LACTBL1: variants seen among roughly 807,000 people sequenced by gnomAD.
LACTBL1 encodes the protein beta-lactamase-like protein 1.
In LACTBL1, 29 loss-of-function variants were observed where a neutral mutation model predicts 39.6. The ratio of observed to expected loss-of-function variants is 0.73; its 90% CI spans 0.55 to 1.00. LACTBL1 has a LOEUF of 1.00. Among genes scored for constraint, LACTBL1 ranks in the 50% least tolerant of loss-of-function variants. LACTBL1 has a pLI of 0.00. For synonymous variants in LACTBL1, 361 were observed against 360.7 expected (o/e 1.00, Z -0.01); for missense variants, 711 against 748.5 (o/e 0.95, Z 0.59).
intron 2 of LACTBL1, among the ~76,000 whole-genome samples, chr1:22,961,998 G>T (rs930096083): frequency 6.7e-6 from 1 of 149,130 alleles, no homozygotes; most frequent in African/African-American, 2.5e-5. Context: ...CACCCATCTC[G>T]GCCTCCCAAA....
intron 2 of LACTBL1, among the ~76,000 whole-genome samples, chr1:22,960,617 CAAAAAA>C (rs35006759): frequency 2.6e-5 from 1 of 38,008 alleles, no homozygotes; most frequent in Non-Finnish European, 4.9e-5. Flanking sequence ...AACTCCGTCT[CAAAAAA>C]AAAAAAAAAA....
exon 4 of LACTBL1, chr1:22,958,837 G>A (rs760527231): frequency 6.4e-7 from 1 of 1,550,668 alleles, no homozygotes; most frequent in South Asian, 1.2e-5. Flanking sequence ...CCGCTCCAGA[G>A]GGTCATCTAG....
At chr1:22,958,543 C>T in intron 4 of LACTBL1, 142 bp downstream of exon 6, 1 of 659,906 alleles carries the variant, frequency 1.5e-6, no homozygotes, top group Non-Finnish European at 2.5e-6. Context: ...CCTGGCCCAC[C>T]ACCCACATCC....
At chr1:22,966,517 T>G (rs1410332651), upstream of LACTBL1, among the ~76,000 whole-genome samples, 3 of 152,204 alleles carry the variant, frequency 2.0e-5, no homozygotes, top group East Asian at 5.8e-4. Context: ...ACTACAGATC[T>G]TACAGAGAAA....
intron 4 of LACTBL1, among the ~76,000 whole-genome samples, chr1:22,957,211 TA>T (rs1363935200): frequency 6.6e-6 from 1 of 152,212 alleles, no homozygotes; most frequent in Non-Finnish European, 1.5e-5. Flanking sequence ...TTTAGGTCTA[TA>T]CAGTGTTTGA....
chr1:22,968,927 G>A (rs987510853), upstream of LACTBL1, among the ~76,000 whole-genome samples: 1 of 152,180 alleles, frequency 6.6e-6, no homozygotes, highest in Non-Finnish European at 1.5e-5. Flanking sequence ...CCAGGCTGGA[G>A]CGCAGTGATG....
At chr1:22,962,036 G>A (rs373267784) in intron 2 of LACTBL1, among the ~76,000 whole-genome samples, 8 of 152,074 alleles carry the variant, frequency 5.3e-5, no homozygotes, top group South Asian at 2.1e-4. Context: ...GTGAGCCACC[G>A]CGCCTGGCTC....
At chr1:22,954,009 C>G in exon 6 of LACTBL1, 1 of 1,537,914 alleles carries the variant, frequency 6.5e-7, no homozygotes, top group Non-Finnish European at 8.8e-7. Context: ...AGAAGGCCAG[C>G]GTGCTGTAAT....
chr1:22,965,741 C>CA (rs1162269154), upstream of LACTBL1, among the ~76,000 whole-genome samples: 1 of 152,192 alleles, frequency 6.6e-6, no homozygotes, highest in Non-Finnish European at 1.5e-5. Context: ...AGTCTGTTCT[C>CA]ACGCTGCTAA....
intron 2 of LACTBL1, among the ~76,000 whole-genome samples, chr1:22,962,377 G>C (rs555864107): frequency 6.6e-6 from 1 of 152,118 alleles, no homozygotes; most frequent in African/African-American, 2.4e-5. Context: ...CCATGCTGCG[G>C]CTCATATTCT....
rs931910472 is a variant in LACTBL1, at chr1:22,965,216, C to G, written c.49+74G>C. On this transcript the variant is annotated intron_variant, in intron 1 of 5. Coordinates refer to ENST00000426928, the Ensembl canonical transcript of LACTBL1. ...ATGGTCCTCCCCTACACACTAGAAT[C>G]AGGGGTGGCAGCTCAAAGCCCAGGA... The G allele has an allele frequency of 1.5e-5, 18 of 1,228,772 alleles. 1 individual carries two copies. In the South Asian group the frequency reaches 5.1e-4, roughly 35 times the overall value. The allele number at this position is 1,228,772 out of a possible 1,614,324, so 76.1% of individuals were successfully genotyped here.
At chr1:22,967,416 T>A (rs1249730305), upstream of LACTBL1, among the ~76,000 whole-genome samples, 3 of 151,950 alleles carry the variant, frequency 2.0e-5, no homozygotes, top group Non-Finnish European at 4.4e-5. Flanking sequence ...TGGTGGTATA[T>A]ACCTGTGGTC....
At chr1:22,963,697 G>C (rs547081262) in intron 1 of LACTBL1, among the ~76,000 whole-genome samples, 1 of 152,172 alleles carries the variant, frequency 6.6e-6, no homozygotes, top group African/African-American at 2.4e-5. Context: ...CTTTGTCCGG[G>C]TGTGTGGCTT....
exon 4 of LACTBL1, chr1:22,958,895 G>C: frequency 6.5e-7 from 1 of 1,549,924 alleles, no homozygotes; most frequent in Non-Finnish European, 8.7e-7. Flanking sequence ...ATGAGGACAG[G>C]AAAGATCTTG....
Position 22,953,308 on chromosome 1 carries a change from C to G in LACTBL1, c.1376G>C (p.Arg459Pro), listed in dbSNP as rs561994915. The G allele has an allele frequency of 2.9e-5, 35 of 1,226,184 alleles. No homozygotes were observed. In the Admixed American group the frequency reaches 1.1e-3, roughly 37 times the overall value. The allele number at this position is 1,226,184 out of a possible 1,614,324, so 76.0% of individuals were successfully genotyped here. ...CGCTGGAGGCACCAGCGCCTCCACG[C>G]GCGGCCCGAACTGGCGCAGGCGCAG... Residue 459 changes from arginine (R) to proline (P), a missense_variant, in exon 6 of 6, where the codon CGC (arginine) becomes CCC (proline). Arg to Pro is a moderately radical substitution (Grantham distance 103). Transcript: ENST00000426928.
upstream of LACTBL1, among the ~76,000 whole-genome samples, chr1:22,966,530 T>G (rs147930332): frequency 6.6e-6 from 1 of 152,304 alleles, no homozygotes; most frequent in Non-Finnish European, 1.5e-5. Context: ...CAGAGAAATA[T>G]TATGAACAAC....
chr1:22,956,869 T>C (rs4654830), intron 4 of LACTBL1, among the ~76,000 whole-genome samples: 58,462 of 151,950 alleles, frequency 0.38, 13,780 homozygotes, highest in Non-Finnish European at 0.53. Context: ...TGATTTAAGA[T>C]TCAAAGGAAA....
At chr1:22,953,216 G>A (rs1640721772) in exon 6 of LACTBL1, 1 of 1,232,008 alleles carries the variant, frequency 8.1e-7, no homozygotes. Context: ...AGTGCGCAGG[G>A]GAACTCGTGG....
At chr1:22,956,226 G>C (rs1216720606) in intron 4 of LACTBL1, among the ~76,000 whole-genome samples, 2 of 151,962 alleles carry the variant, frequency 1.3e-5, no homozygotes, top group Admixed American at 1.3e-4. Flanking sequence ...TAAATAATTA[G>C]CTGGACTCAG....
Sources: allele counts gnomAD v4.1 joint callset (sites outside exome capture counted in the v4.1 genomes callset), GRCh38; gene constraint gnomAD v4.1.1; transcripts MANE v1.5; gene names NCBI Gene and HGNC (gene_info 2026-07-23, HGNC 2026-07-21).